Variants in CNTN5 observed in about 807,000 individuals in gnomAD.
The protein encoded by CNTN5 is contactin-5.
A neutral mutation model predicts 129.1 loss-of-function variants in CNTN5; 77 were observed. The ratio of observed to expected loss-of-function variants is 0.60; its 90% confidence interval spans 0.50 to 0.72. The LOEUF (loss-of-function observed/expected upper bound fraction) is 0.72. CNTN5 is among the 30% of genes least tolerant of loss of function. The probability of loss-of-function intolerance (pLI) is 0.00; values close to 1 mark genes in which losing one functional copy is unlikely to be tolerated. For missense variants in CNTN5, 1,478 were observed against 1,328.8 expected (o/e 1.11, Z -1.75); for synonymous variants, 509 against 465.6 (o/e 1.09, Z -1.20).
intron 9 of CNTN5, among the ~76,000 whole-genome samples, chr11:100,021,096 A>G (rs969639364): frequency 6.6e-6 from 1 of 152,122 alleles, no homozygotes; most frequent in African/African-American, 2.4e-5. Context: ...ATTTATGAGT[A>G]TGTTATTTAG....
chr11:99,937,565 C>A (rs1441501888), intron 7 of CNTN5, among the ~76,000 whole-genome samples: 1 of 152,114 alleles, frequency 6.6e-6, no homozygotes, highest in African/African-American at 2.4e-5. Flanking sequence ...CAGGTTATGT[C>A]AACAAGGATC....
chr11:100,140,180 T>C (rs1444456409), intron 13 of CNTN5, among the ~76,000 whole-genome samples: 1 of 152,158 alleles, frequency 6.6e-6, no homozygotes, highest in Non-Finnish European at 1.5e-5. Flanking sequence ...AAACCAGTGA[T>C]CTCCAGGCAG....
chr11:99,360,367 C>G (rs1328469773), intron 2 of CNTN5, among the ~76,000 whole-genome samples: 1 of 152,172 alleles, frequency 6.6e-6, no homozygotes, highest in Non-Finnish European at 1.5e-5. Flanking sequence ...GGGGATTGCT[C>G]TAGTGGGTCT....
intron 7 of CNTN5, among the ~76,000 whole-genome samples, chr11:99,943,185 T>G (rs1950479651): frequency 6.6e-6 from 1 of 152,172 alleles, no homozygotes; most frequent in African/African-American, 2.4e-5. Context: ...CTCCACATCT[T>G]TGTCAGCATC....
intron 6 of CNTN5, among the ~76,000 whole-genome samples, chr11:99,892,324 A>G (rs1949084387): frequency 6.6e-6 from 1 of 152,130 alleles, no homozygotes; most frequent in Non-Finnish European, 1.5e-5. Context: ...GAAGCTCTTT[A>G]GTTTAATTAG....
intron 1 of CNTN5, among the ~76,000 whole-genome samples, chr11:99,054,280 GA>G (rs1864544015): frequency 6.6e-6 from 1 of 151,596 alleles, no homozygotes; most frequent in South Asian, 2.1e-4. Context: ...TTGAAGAGAA[GA>G]TTTCTCTCAA....
intron 6 of CNTN5, 137 bp from the exon 7 acceptor site, chr11:99,915,917 T>C (rs1949777094): frequency 1.5e-6 from 1 of 651,686 alleles, no homozygotes; most frequent in South Asian, 1.9e-5. Context: ...AGATATATGT[T>C]AAAGCCTTCT....
At chr11:100,009,562 G>A (rs1940401138) in intron 9 of CNTN5, among the ~76,000 whole-genome samples, 1 of 152,096 alleles carries the variant, frequency 6.6e-6, no homozygotes, top group Admixed American at 6.6e-5. Flanking sequence ...TTTCAACAAG[G>A]GAGGGAGTGA....
At chr11:99,829,549 C>T (rs941911574) in intron 4 of CNTN5, among the ~76,000 whole-genome samples, 1 of 152,196 alleles carries the variant, frequency 6.6e-6, no homozygotes, top group African/African-American at 2.4e-5. Flanking sequence ...AAGGTGAGTG[C>T]TGCTCATTGG....
intron 3 of CNTN5, among the ~76,000 whole-genome samples, chr11:99,690,737 T>C (rs910117548): frequency 3.3e-5 from 5 of 152,102 alleles, no homozygotes; most frequent in Admixed American, 6.5e-5. Context: ...TTTATGTCTC[T>C]GCCAGGTTTG....
At chr11:99,688,944 T>G (rs192821133) in intron 3 of CNTN5, among the ~76,000 whole-genome samples, 1 of 152,320 alleles carries the variant, frequency 6.6e-6, no homozygotes, top group East Asian at 1.9e-4. Flanking sequence ...ATCTCATTCC[T>G]TTTTATGGCT....
chr11:100,247,426 A>G (rs543518004), intron 16 of CNTN5, among the ~76,000 whole-genome samples: 5 of 152,204 alleles, frequency 3.3e-5, no homozygotes, highest in Non-Finnish European at 7.3e-5. Flanking sequence ...GGTTACTCTC[A>G]TGAGACTGAA....
At chr11:99,420,983 T>C (rs1371604415) in intron 2 of CNTN5, among the ~76,000 whole-genome samples, 1 of 152,170 alleles carries the variant, frequency 6.6e-6, no homozygotes, top group Non-Finnish European at 1.5e-5. Flanking sequence ...GGGCCCTTCT[T>C]TCAGGCATCT....
chr11:99,555,065 A>G (rs1404781751), intron 2 of CNTN5, among the ~76,000 whole-genome samples: 2 of 130,272 alleles, frequency 1.5e-5, no homozygotes, highest in Non-Finnish European at 3.0e-5. Flanking sequence ...AATTATAAAT[A>G]AAAATGGAAG....
intron 2 of CNTN5, among the ~76,000 whole-genome samples, chr11:99,355,021 T>A (rs1938545382): frequency 1.3e-5 from 2 of 152,192 alleles, no homozygotes; most frequent in African/African-American, 4.8e-5. Context: ...CTGTTATCTC[T>A]GTCTGGAAAG....
intron 17 of CNTN5, among the ~76,000 whole-genome samples, chr11:100,264,862 G>A (rs1199922419): frequency 6.6e-6 from 1 of 152,036 alleles, no homozygotes; most frequent in Middle Eastern, 3.2e-3. Context: ...GTATAAAAGT[G>A]TTCCTATTTC....
intron 1 of CNTN5, among the ~76,000 whole-genome samples, chr11:99,306,562 T>C (rs2135957922): frequency 6.6e-6 from 1 of 151,998 alleles, no homozygotes; most frequent in East Asian, 1.9e-4. Context: ...TTAATATGAA[T>C]TTCTCTAACT....
chr11:99,371,580 A>G (rs183560488), intron 2 of CNTN5, among the ~76,000 whole-genome samples: 5 of 152,256 alleles, frequency 3.3e-5, no homozygotes, highest in African/African-American at 1.2e-4. Flanking sequence ...ATAGAATTAA[A>G]CGTATTTGAT....
chr11:99,499,180 C>A (rs1946338409), intron 2 of CNTN5, among the ~76,000 whole-genome samples: 1 of 152,040 alleles, frequency 6.6e-6, no homozygotes, highest in Non-Finnish European at 1.5e-5. Flanking sequence ...CCCACTATTC[C>A]CAAATTGGAA....
Sources: allele counts gnomAD v4.1 joint callset (sites outside exome capture counted in the v4.1 genomes callset), GRCh38; gene constraint gnomAD v4.1.1; transcripts MANE v1.5; gene names NCBI Gene and HGNC (gene_info 2026-07-23, HGNC 2026-07-21).